VWA3B: variants seen among roughly 807,000 people sequenced by gnomAD.
The protein encoded by VWA3B is von Willebrand factor A domain containing 3B.
Under a neutral mutation model 158.3 loss-of-function variants are expected in VWA3B, and 138 were observed. The observed-to-expected ratio is 0.87, with a 90% CI of 0.76 to 1.00. VWA3B has a LOEUF of 1.00. Ranked by LOEUF, VWA3B falls within the 50% of genes least tolerant of loss-of-function variation. The probability of loss-of-function intolerance (pLI) is 0.00; values close to 1 mark genes in which losing one functional copy is unlikely to be tolerated. For synonymous variants in VWA3B, 596 were observed against 587.3 expected, an observed-to-expected ratio of 1.01 and a Z score of -0.21; for missense variants, 1,555 against 1,565.1, an observed-to-expected ratio of 0.99 and a Z score of 0.11.
chr2:98,253,002 T>C (rs1686897714), intron 20 of VWA3B, among the ~76,000 whole-genome samples: 1 of 152,308 alleles, frequency 6.6e-6, no homozygotes, highest in East Asian at 1.9e-4. Context: ...TTGTTATTAT[T>C]TGGTATCACT....
chr2:98,130,030 G>A (rs62154877), intron 6 of VWA3B, among the ~76,000 whole-genome samples: 13,636 of 152,122 alleles, frequency 0.09, 771 homozygotes, highest in East Asian at 0.16. Flanking sequence ...GATCCACACC[G>A]GCACCGGCCT....
At chr2:98,135,743 T>A (rs1676237413) in intron 7 of VWA3B, among the ~76,000 whole-genome samples, 1 of 152,208 alleles carries the variant, frequency 6.6e-6, no homozygotes, top group South Asian at 2.1e-4. Context: ...AAATACGTGA[T>A]CTTGTCTCCT....
chr2:98,150,403 T>C (rs972188878), intron 7 of VWA3B, among the ~76,000 whole-genome samples: 1 of 152,214 alleles, frequency 6.6e-6, no homozygotes. Context: ...TTTTCTTATA[T>C]TGTCCTTCAG....
chr2:98,284,935 G>A (rs995252113), intron 22 of VWA3B, among the ~76,000 whole-genome samples: 8 of 152,026 alleles, frequency 5.3e-5, no homozygotes, highest in Middle Eastern at 3.2e-3. Context: ...AGATGGATTC[G>A]GAAGCTCCTG....
chr2:98,211,239 G>C (rs62154944), intron 12 of VWA3B, among the ~76,000 whole-genome samples: 7,189 of 152,296 alleles, frequency 0.047, 256 homozygotes, highest in Middle Eastern at 0.082. Flanking sequence ...TGATACAACG[G>C]AACTGAGATG....
intron 2 of VWA3B, among the ~76,000 whole-genome samples, chr2:98,101,066 C>G (rs765526230): frequency 1.3e-5 from 2 of 152,158 alleles, no homozygotes; most frequent in Non-Finnish European, 2.9e-5. Context: ...GATAGCCCAG[C>G]CAATGTCTTG....
chr2:98,138,883 C>T (rs1242258298), intron 7 of VWA3B, among the ~76,000 whole-genome samples: 1 of 152,264 alleles, frequency 6.6e-6, no homozygotes, highest in East Asian at 1.9e-4. Context: ...CCTCCTCTGC[C>T]TGGGCTCCCA....
intron 12 of VWA3B, among the ~76,000 whole-genome samples, chr2:98,200,539 T>C (rs866334881): frequency 8.9e-6 from 1 of 111,748 alleles, no homozygotes; most frequent in Non-Finnish European, 1.8e-5. Flanking sequence ...CAAGACTCCA[T>C]CTCAAAAAAA....
At chr2:98,166,995 A>G (rs995513575) in intron 8 of VWA3B, among the ~76,000 whole-genome samples, 1 of 152,074 alleles carries the variant, frequency 6.6e-6, no homozygotes, top group East Asian at 1.9e-4. Flanking sequence ...ACCTGCTCTC[A>G]TTCCCACCGC....
Position 98,185,389 on chromosome 2 carries a change from C to G in VWA3B, c.1312-2586C>G, listed in dbSNP as rs1455529732. Among the ~76,000 whole-genome samples the G allele has an allele frequency of 3.3e-5, 5 of 152,356 alleles. No homozygotes were observed. The East Asian group carries it at 9.6e-4, about 29-fold the overall frequency. On this transcript the variant is annotated intron_variant, in intron 9 of 27. Coordinates refer to ENST00000477737, the MANE Select transcript of VWA3B (RefSeq NM_144992.5). ...ACCCTGGCTAATGCCAACTTTCCGT[C>G]TTTTCTGGCTTATCTCCGTGCAGTT...
At chr2:98,284,588 A>G (rs193139405) in intron 22 of VWA3B, among the ~76,000 whole-genome samples, 9 of 152,364 alleles carry the variant, frequency 5.9e-5, no homozygotes, top group Admixed American at 3.3e-4. Context: ...TATTTATGAT[A>G]TAACTATAGC....
intron 8 of VWA3B, among the ~76,000 whole-genome samples, chr2:98,174,626 G>A (rs1354548630): frequency 1.3e-5 from 2 of 152,210 alleles, no homozygotes; most frequent in Non-Finnish European, 2.9e-5. Flanking sequence ...TGGGGAATGG[G>A]ATGTCCATTG....
the VWA3B span, among the ~76,000 whole-genome samples, chr2:98,319,876 TCACACACACACACA>T: frequency 1.4e-5 from 2 of 147,334 alleles, no homozygotes; most frequent in Admixed American, 6.8e-5. Context: ...TGAGACTCCA[TCACACACACACACA>T]CACACACACA....
At chr2:98,319,132 A>T in the VWA3B span, among the ~76,000 whole-genome samples, 1 of 152,224 alleles carries the variant, frequency 6.6e-6, no homozygotes, top group Admixed American at 6.5e-5. Flanking sequence ...AATAACAGGT[A>T]CTAGGACAAT....
intron 6 of VWA3B, among the ~76,000 whole-genome samples, chr2:98,133,168 GGGACCCTGTTAAAT>G (rs1676006395): frequency 6.6e-6 from 1 of 152,154 alleles, no homozygotes; most frequent in South Asian, 2.1e-4. Flanking sequence ...CAGCCCCCTG[GGGACCCTGTTAAAT>G]GGATATTTGG....
In VWA3B at chr2:98,093,309, C is replaced by T. The variant is rs750352245; in HGVS notation, c.196+21C>T. ...TGAAGGTACAGTACTCACAAACAAC[C>T]AGCATGCTGCCATTTAGCCTTTGAG... On this transcript the variant is annotated intron_variant, in intron 2 of 27. Transcript: ENST00000477737. 16 of 1,609,688 alleles carry T rather than the reference C, an allele frequency of 9.9e-6. No homozygotes were observed. In the South Asian group the frequency reaches 1.4e-4, roughly 14 times the overall value.
chr2:98,176,486 G>A (rs576297488), intron 8 of VWA3B, among the ~76,000 whole-genome samples: 5 of 112,746 alleles, frequency 4.4e-5, no homozygotes, highest in Admixed American at 1.0e-4. Flanking sequence ...TCCCTTCTTC[G>A]GTCTTCCCCT....
At chr2:98,153,195 ACTAT>A (rs58764697) in intron 7 of VWA3B, among the ~76,000 whole-genome samples, 3,486 of 152,286 alleles carry the variant, frequency 0.023, 139 homozygotes, top group African/African-American at 0.078. Flanking sequence ...CGCTCTGCTC[ACTAT>A]CATATTTTGC....
intron 9 of VWA3B, among the ~76,000 whole-genome samples, chr2:98,184,182 G>A (rs1462851116): frequency 6.6e-6 from 1 of 152,216 alleles, no homozygotes; most frequent in Non-Finnish European, 1.5e-5. Context: ...GCCTCTCTGT[G>A]GTGTATGGTC....
Sources: gnomAD v4.1 joint callset for allele counts (sites outside exome capture counted in the v4.1 genomes callset) on GRCh38, gnomAD v4.1.1 for gene constraint, MANE v1.5 for transcripts, NCBI Gene and HGNC (gene_info 2026-07-23, HGNC 2026-07-21) for gene names.